Variants in P4HA3 observed in about 807,000 individuals in gnomAD.
P4HA3 encodes prolyl 4-hydroxylase subunit alpha-3.
P4HA3 carries 60 observed loss-of-function variants against 66.7 expected under a neutral mutation model. The observed-to-expected ratio is 0.90, with a 90% CI of 0.73 to 1.12. P4HA3 has a LOEUF of 1.12. P4HA3 is among the 50% of genes most tolerant of loss of function. P4HA3 has a pLI of 0.00. For synonymous variants in P4HA3, 263 were observed against 274.6 expected (o/e 0.96, Z 0.42); for missense variants, 683 against 685.8 (o/e 1.00, Z 0.05).
At chr11:74,281,905 T>C (rs1860616035) in intron 7 of P4HA3, among the ~76,000 whole-genome samples, 1 of 118,860 alleles carries the variant, frequency 8.4e-6, no homozygotes, top group Non-Finnish European at 1.7e-5. Context: ...TAATAAAAGT[T>C]TGGGACAAAA....
At chr11:74,252,331 A>C (rs1267090729) in intron 15 of P4HA3, 82 of 394,422 alleles carry the variant, frequency 2.1e-4, no homozygotes, top group Middle Eastern at 1.6e-3. Flanking sequence ...CAAGTGATCC[A>C]CCCGCATCGG....
chr11:74,292,309 T>G (rs1400085328), intron 4 of P4HA3, among the ~76,000 whole-genome samples: 2 of 152,200 alleles, frequency 1.3e-5, no homozygotes, highest in African/African-American at 2.4e-5. Context: ...TATCATTTTT[T>G]ATTGTGTCTA....
intron 1 of P4HA3, among the ~76,000 whole-genome samples, chr11:74,304,760 T>C (rs1861527064): frequency 6.6e-6 from 1 of 152,186 alleles, no homozygotes; most frequent in African/African-American, 2.4e-5. Flanking sequence ...ACTTAGTATC[T>C]GGTAGAAACT....
At position 74,286,365 on chromosome 11, in the gene P4HA3, T is replaced by G. The variant is rs1236387103; in HGVS notation, c.796A>C (p.Asn266His). 1.3e-6 allele frequency: 2 copies of G among 1,560,296 alleles called. No homozygotes were observed. The highest frequency in any genetic ancestry group is 1.7e-6 in the Non-Finnish European group (2 of 1,155,192). ...AAGAGCCTTTCATATTTCAAGACAT[T>G]CCTGGCCATCCTCTTATTATCTGGG... ...YSPDNKRMAR[N>H]VLKYERLLAE... The change falls in exon 6 of 13, where the codon AAT (asparagine) becomes CAT (histidine). Residue 266 changes from asparagine to histidine, a missense_variant. Asn to His is a moderately conservative substitution (Grantham distance 68). Transcript: ENST00000331597.
chr11:74,257,076 G>C (rs1859842431), intron 15 of P4HA3, among the ~76,000 whole-genome samples: 2 of 152,322 alleles, frequency 1.3e-5, no homozygotes, highest in East Asian at 1.9e-4. Context: ...GGGGTGGGCA[G>C]TAACTAAACC....
rs374177516 is a variant in P4HA3, at chr11:74,251,971, T to C, written c.*1319-3970A>G. 9 of 680,514 alleles carry C rather than the reference T, an allele frequency of 1.3e-5. No homozygotes were observed. In the African/African-American group the frequency reaches 1.6e-4, roughly 12 times the overall value. The allele number at this position is 680,514 out of a possible 1,614,324, so 42.2% of individuals were successfully genotyped here. ...CCTAGTCTCACTCCCCACTGTGATG[T>C]GCATTTCTTCTTGAGGTGCCCCTTT... On this transcript the variant is annotated intron_variant and NMD_transcript_variant, in intron 15 of 15. Coordinates refer to the P4HA3 transcript ENST00000524388.
chr11:74,252,960 A>G (rs1299665807), intron 15 of P4HA3, among the ~76,000 whole-genome samples: 1 of 152,184 alleles, frequency 6.6e-6, no homozygotes, highest in Non-Finnish European at 1.5e-5. Flanking sequence ...CACAACCCTC[A>G]TGAGGAGTCA....
chr11:74,302,731 A>C, intron 2 of P4HA3, 139 bp from the exon 3 acceptor site: 1 of 740,612 alleles, frequency 1.4e-6, no homozygotes, highest in Non-Finnish European at 2.2e-6. Flanking sequence ...AGGCAAGCAC[A>C]GTTCCTGGCA....
chr11:74,291,254 A>C (rs1861012143), intron 4 of P4HA3, among the ~76,000 whole-genome samples: 1 of 152,046 alleles, frequency 6.6e-6, no homozygotes, highest in Non-Finnish European at 1.5e-5. Context: ...TTTGTCTGTT[A>C]TTGGTGTATA....
In P4HA3 at chr11:74,267,158, T is replaced by C. The variant is rs1294284900; in HGVS notation, c.*90A>G. 1.3e-6 allele frequency: 2 copies of C among 1,593,222 alleles called. No individual in the cohort carries two copies. The highest frequency in any genetic ancestry group is 2.2e-5 in the East Asian group (1 of 44,560). On this transcript the variant is annotated 3_prime_UTR_variant, in exon 13 of 13. Coordinates refer to ENST00000331597, the MANE Select transcript of P4HA3 (RefSeq NM_182904.5). ...CTGACAAGGCCTTCTTCCAGGAGGC[T>C]GCTCTGCTTTCTCCTCTCCTACCCC... is the stretch of plus-strand genomic sequence containing the variant.
At chr11:74,301,261 C>A (rs1310047178) in intron 3 of P4HA3, among the ~76,000 whole-genome samples, 1 of 151,882 alleles carries the variant, frequency 6.6e-6, no homozygotes, top group African/African-American at 2.4e-5. Flanking sequence ...GAAAAGTTTT[C>A]TCTCTCAAAA....
intron 15 of P4HA3, among the ~76,000 whole-genome samples, chr11:74,255,100 T>G (rs1287561333): frequency 6.6e-6 from 1 of 152,174 alleles, no homozygotes; most frequent in East Asian, 1.9e-4. Context: ...CAAAAGCCAC[T>G]TCATATTGAC....
chr11:74,307,141 ACCCAGC>A (rs2134833593), intron 1 of P4HA3, among the ~76,000 whole-genome samples: 1 of 152,288 alleles, frequency 6.6e-6, no homozygotes, highest in East Asian at 1.9e-4. Context: ...ACTTATTCTG[ACCCAGC>A]CTCCAACTAT....
rs147656475 is a variant in P4HA3, at chr11:74,296,845, C to A, written c.717+1367G>T. ...CTCAATTACTTCTCACCCCTTCCTA[C>A]ATCACAGTTACTCTGTTTGGCTTTA... On this transcript the variant is annotated intron_variant, in intron 4 of 12. Coordinates refer to ENST00000331597, the MANE Select transcript of P4HA3 (RefSeq NM_182904.5). Among the ~76,000 whole-genome samples the A allele has an allele frequency of 2.2e-3, 333 of 152,206 alleles. 3 individuals carry two copies. The highest frequency in any genetic ancestry group is 3.4e-3 in the Middle Eastern group (1 of 292).
At chr11:74,287,359 T>C in intron 5 of P4HA3, 2 of 1,269,858 alleles carry the variant, frequency 1.6e-6, no homozygotes. Flanking sequence ...AGTGAAGTTT[T>C]GGAGAATGGA....
At chr11:74,251,740 A>G (rs760541808) in intron 15 of P4HA3, 1 of 1,613,070 alleles carries the variant, frequency 6.2e-7, no homozygotes, top group East Asian at 2.2e-5. Flanking sequence ...AGGGTTTAAG[A>G]ACCCAGCAGT....
Position 74,279,271 on chromosome 11 carries a change from G to A in P4HA3, c.1175+117C>T, listed in dbSNP as rs538205110. On this transcript the variant is annotated intron_variant, in intron 8 of 12. Coordinates refer to ENST00000331597, the MANE Select transcript of P4HA3 (RefSeq NM_182904.5). ...TTAAAAAGAATGTACAGCTATAAAC[G>A]TGAACTAGGGATTCTCCACCTCTGG... The A allele has an allele frequency of 1.6e-4, 149 of 924,800 alleles. 4 individuals carry two copies. The South Asian group carries it at 1.9e-3, about 12-fold the overall frequency. 57.3% of individuals were successfully genotyped at this position (924,800 alleles called of 1,614,324 possible). A position where few individuals can be genotyped will look rare whatever the true frequency, so the allele number is the denominator to read the frequency against.
At chr11:74,304,981 T>C (rs1479786277) in intron 1 of P4HA3, among the ~76,000 whole-genome samples, 1 of 152,112 alleles carries the variant, frequency 6.6e-6, no homozygotes, top group East Asian at 1.9e-4. Flanking sequence ...ATCCCTCACA[T>C]GTGCAGTTCA....
chr11:74,268,828 T>C (rs1261188062), intron 11 of P4HA3, among the ~76,000 whole-genome samples: 1 of 152,148 alleles, frequency 6.6e-6, no homozygotes, highest in Non-Finnish European at 1.5e-5. Context: ...ATCCTGTATG[T>C]TTTTCCCCCA....
Sources: gnomAD v4.1 joint callset for allele counts (sites outside exome capture counted in the v4.1 genomes callset) on GRCh38, gnomAD v4.1.1 for gene constraint, MANE v1.5 for transcripts, NCBI Gene and HGNC (gene_info 2026-07-23, HGNC 2026-07-21) for gene names.